Variants in ACVR2A observed in about 807,000 individuals in gnomAD.
The protein encoded by ACVR2A is activin receptor type-2A.
A neutral mutation model predicts 61.4 loss-of-function variants in ACVR2A; 7 were observed. The observed-to-expected ratio is 0.11, with a 90% CI of 0.06 to 0.21. ACVR2A has a LOEUF of 0.21. Among genes scored for constraint, ACVR2A ranks in the 10% least tolerant of loss-of-function variants. ACVR2A has a pLI of 1.00. For synonymous variants in ACVR2A, 193 were observed against 208.3 expected (o/e 0.93, Z 0.63); for missense variants, 322 against 621.7 (o/e 0.52, Z 5.13).
At chr2:147,888,968 A>T (rs1686511606) in intron 1 of ACVR2A, among the ~76,000 whole-genome samples, 1 of 151,780 alleles carries the variant, frequency 6.6e-6, no homozygotes, top group Non-Finnish European at 1.5e-5. Flanking sequence ...TATGACATTG[A>T]GTAAGTTCCC....
At chr2:147,847,083 A>C in intron 1 of ACVR2A, among the ~76,000 whole-genome samples, 1 of 152,120 alleles carries the variant, frequency 6.6e-6, no homozygotes, top group Non-Finnish European at 1.5e-5. Context: ...TCATTGGGCC[A>C]GGATTATTTT....
At chr2:147,902,798 T>G (rs1446677128) in intron 4 of ACVR2A, 3 of 152,142 alleles carry the variant, frequency 2.0e-5, no homozygotes, top group South Asian at 2.1e-4. Context: ...AAGTGACTTC[T>G]GTATTTCACC....
chr2:147,891,292 G>T (rs1686576371), intron 1 of ACVR2A, among the ~76,000 whole-genome samples: 1 of 152,110 alleles, frequency 6.6e-6, no homozygotes, highest in Admixed American at 6.5e-5. Flanking sequence ...GCCTGAGTGG[G>T]ATTCTTCTTT....
intron 1 of ACVR2A, among the ~76,000 whole-genome samples, chr2:147,853,276 C>T (rs953183000): frequency 1.3e-5 from 2 of 152,052 alleles, no homozygotes; most frequent in South Asian, 2.1e-4. Context: ...AAGAGGCAGA[C>T]ACTGTATGAT....
intron 1 of ACVR2A, among the ~76,000 whole-genome samples, chr2:147,850,012 T>C (rs1353071413): frequency 3.3e-5 from 5 of 152,220 alleles, no homozygotes; most frequent in Non-Finnish European, 5.9e-5. Flanking sequence ...TCATGGTCTG[T>C]TAAGTTGCCA....
chr2:147,902,186 C>T (rs1686886258), intron 4 of ACVR2A, among the ~76,000 whole-genome samples: 1 of 151,796 alleles, frequency 6.6e-6, no homozygotes, highest in African/African-American at 2.4e-5. Context: ...TGGAATGGGG[C>T]ATGGGATGTT....
intron 1 of ACVR2A, among the ~76,000 whole-genome samples, chr2:147,891,637 G>A (rs1219708658): frequency 2.6e-5 from 4 of 152,112 alleles, no homozygotes; most frequent in Admixed American, 6.5e-5. Flanking sequence ...AATTTTCAGT[G>A]TCCATAAATA....
At chr2:147,916,220 T>C (rs1687246830) in intron 5 of ACVR2A, among the ~76,000 whole-genome samples, 2 of 151,876 alleles carry the variant, frequency 1.3e-5, no homozygotes, top group Non-Finnish European at 2.9e-5. Flanking sequence ...TTTTGGTAGC[T>C]GTAAACCACA....
chr2:147,877,079 C>T (rs956433521), intron 1 of ACVR2A, among the ~76,000 whole-genome samples: 6 of 152,100 alleles, frequency 3.9e-5, no homozygotes, highest in African/African-American at 1.4e-4. Flanking sequence ...TGGACCTGAA[C>T]GTAAAAGTTG....
intron 4 of ACVR2A, among the ~76,000 whole-genome samples, chr2:147,909,973 T>G (rs1324518304): frequency 6.6e-6 from 1 of 152,202 alleles, no homozygotes; most frequent in East Asian, 1.9e-4. Flanking sequence ...GCTCTTATTT[T>G]GTCATGTAGT....
chr2:147,900,930 G>A (rs776490616), intron 4 of ACVR2A, among the ~76,000 whole-genome samples: 22 of 151,898 alleles, frequency 1.4e-4, no homozygotes, highest in Non-Finnish European at 1.9e-4. Context: ...ATTTCTCAGC[G>A]CTTGCAGCAA....
At position 147,895,922 on chromosome 2, in the gene ACVR2A, AG is replaced by A. The variant is rs538564632; in HGVS notation, c.56-375del. On this transcript the variant is annotated intron_variant, in intron 1 of 10. Transcript: ENST00000241416. ...CAGTGATCCTTACCCCTGAGTTGTTAGGGGTCAACTGTAGTCACTATGCAGC... is the reference window on the plus strand; with the variant it reads ...CAGTGATCCTTACCCCTGAGTTGTTAGGGTCAACTGTAGTCACTATGCAGC... 1.1e-3 allele frequency among the ~76,000 whole-genome samples: 166 copies of A among 152,260 alleles called. 1 individual carries two copies. The highest frequency in any genetic ancestry group is 3.4e-3 in the Middle Eastern group (1 of 294).
At chr2:147,878,354 G>T (rs1009656414) in intron 1 of ACVR2A, among the ~76,000 whole-genome samples, 1 of 151,908 alleles carries the variant, frequency 6.6e-6, no homozygotes, top group Non-Finnish European at 1.5e-5. Context: ...AGCCAGTATC[G>T]AAAACAACTT....
intron 10 of ACVR2A, 62 bp from the exon 11 acceptor site, chr2:147,927,018 T>A: frequency 1.3e-6 from 2 of 1,498,006 alleles, no homozygotes; most frequent in African/African-American, 1.4e-5. Context: ...GAAAATTTTA[T>A]TGTTTCCTAA....
chr2:147,865,713 C>T (rs776071915), intron 1 of ACVR2A, among the ~76,000 whole-genome samples: 1 of 152,152 alleles, frequency 6.6e-6, no homozygotes, highest in Non-Finnish European at 1.5e-5. Context: ...TATTAGTCAT[C>T]TAGTAAATGT....
Position 147,926,112 on chromosome 2 carries a change from T to C in ACVR2A, c.1298T>C (p.Val433Ala). ...CTTGAAGACATGCAGGAAGTTGTTG[T>C]GCATAAAAAAAAGAGGCCTGTTTTA... ...PSLEDMQEVV[V>A]HKKKRPVLRD... The change falls in exon 10 of 11, where the codon GTG becomes GCG. Residue 433 changes from valine to alanine, a missense_variant. Around this residue, in one of 3 missense-constraint regions of ACVR2A, gnomAD observed 146 missense variants for 383.8 expected, o/e 0.38. Transcript: ENST00000241416. 1.2e-6 allele frequency: 2 copies of C among 1,611,958 alleles called. No homozygotes were observed. The highest frequency in any genetic ancestry group is 4.5e-5 in the East Asian group (2 of 44,852).
chr2:147,864,095 A>G (rs1473710440), intron 1 of ACVR2A, among the ~76,000 whole-genome samples: 14 of 152,222 alleles, frequency 9.2e-5, no homozygotes, highest in Admixed American at 9.2e-4. Flanking sequence ...GAGCAAGAAC[A>G]TGCTAGATAA....
chr2:147,892,678 G>T (rs1016243826), intron 1 of ACVR2A, among the ~76,000 whole-genome samples: 4 of 151,722 alleles, frequency 2.6e-5, no homozygotes, highest in Admixed American at 1.3e-4. Context: ...AATGATTGTT[G>T]TAGTAGAAGA....
intron 1 of ACVR2A, among the ~76,000 whole-genome samples, chr2:147,872,181 T>C (rs1360369806): frequency 6.6e-6 from 1 of 152,036 alleles, no homozygotes; most frequent in African/African-American, 2.4e-5. Flanking sequence ...CCTGCCACTT[T>C]TGCATCTACC....
Sources: gnomAD v4.1 joint callset for allele counts (sites outside exome capture counted in the v4.1 genomes callset) on GRCh38, gnomAD v4.1.1 for gene constraint, gnomAD v4.1.1 regional missense constraint, MANE v1.5 for transcripts, NCBI Gene and HGNC (gene_info 2026-07-23, HGNC 2026-07-21) for gene names.